Variants in TXNDC11 observed in about 807,000 individuals in gnomAD.
TXNDC11 encodes the protein thioredoxin domain containing 11, also known as thioredoxin domain-containing protein 11.
Under a neutral mutation model 78.0 loss-of-function variants are expected in TXNDC11, and 68 were observed. That is an observed-to-expected ratio of 0.87 (90% confidence interval 0.72 to 1.07). TXNDC11 has a LOEUF of 1.07. TXNDC11 is among the 50% of genes least tolerant of loss of function. The probability of loss-of-function intolerance (pLI) is 0.00; values close to 1 mark genes in which losing one functional copy is unlikely to be tolerated. For missense variants in TXNDC11, 1,389 were observed against 1,221.8 expected (o/e 1.14, Z -2.04); for synonymous variants, 571 against 495.2 (o/e 1.15, Z -2.03).
At chr16:11,733,686 T>C (rs1336008223) in intron 3 of TXNDC11, among the ~76,000 whole-genome samples, 1 of 152,246 alleles carries the variant, frequency 6.6e-6, no homozygotes, top group Admixed American at 6.5e-5. Context: ...ATATCTGAAA[T>C]GCATTGGAGT....
chr16:11,719,969 C>T (rs1327370100), intron 5 of TXNDC11, among the ~76,000 whole-genome samples: 1 of 152,134 alleles, frequency 6.6e-6, no homozygotes, highest in Non-Finnish European at 1.5e-5. Flanking sequence ...ATGCAAAGGC[C>T]ACAGTCTGAG....
chr16:11,721,577 C>T lies in TXNDC11; in HGVS notation c.793G>A (p.Asp265Asn). ...FTSALHSLKKDYLGTVRFGVI... is the reference protein window; with the variant it reads ...FTSALHSLKKNYLGTVRFGVI... Reference sequence around the variant, plus strand: ...TGTCTTAATATGAATCATTTTTTACCTTTCTTTAATGAATGTAATGCTGAG... The same window carrying T: ...TGTCTTAATATGAATCATTTTTTACTTTTCTTTAATGAATGTAATGCTGAG... The change falls in exon 5 of 12, where the codon GAT becomes AAT. Residue 265 changes from aspartate to asparagine, a missense_variant and splice_region_variant. Asp to Asn is a conservative substitution (Grantham distance 23). Transcript: ENST00000283033. 1 of 1,582,200 alleles carries T rather than the reference C, an allele frequency of 6.3e-7. No individual in the cohort carries two copies. The highest frequency in any genetic ancestry group is 8.7e-7 in the Non-Finnish European group (1 of 1,154,238).
rs762273479 is a variant in TXNDC11 at position 11,730,673 on chromosome 16, T to G, written c.671A>C (p.Glu224Ala). Residue 224 changes from glutamate (E) to alanine (A), a missense_variant, in exon 4 of 12, where the codon GAA (glutamate) becomes GCA (alanine). Physicochemically the swap from Glu to Ala is moderately radical, Grantham distance 107. Transcript: ENST00000283033. ...KPLLYIPSQSELLDFLSNYEP... is the reference protein window; with the variant it reads ...KPLLYIPSQSALLDFLSNYEP... ...GTAGTTTGAGAGAAAATCTAGTAAT[T>G]CTGATTGAGATGGGATGTAGAGAAG... 7 of 1,613,648 alleles carry G rather than the reference T, an allele frequency of 4.3e-6. No homozygotes were observed. The highest frequency in any genetic ancestry group is 5.9e-6 in the Non-Finnish European group (7 of 1,179,724).
At chr16:11,716,205 C>A (rs952151274) in intron 5 of TXNDC11, among the ~76,000 whole-genome samples, 1 of 152,230 alleles carries the variant, frequency 6.6e-6, no homozygotes, top group African/African-American at 2.4e-5. Flanking sequence ...GACTGCACTG[C>A]AAGTCCTTTT....
At chr16:11,700,893 C>T (rs1278467699) in intron 5 of TXNDC11, among the ~76,000 whole-genome samples, 1 of 152,116 alleles carries the variant, frequency 6.6e-6, no homozygotes, top group Non-Finnish European at 1.5e-5. Flanking sequence ...TTTGTCTGGA[C>T]ACTTCTTGTG....
At chr16:11,720,141 G>A (rs899543470) in intron 5 of TXNDC11, among the ~76,000 whole-genome samples, 3 of 152,082 alleles carry the variant, frequency 2.0e-5, no homozygotes, top group Non-Finnish European at 4.4e-5. Context: ...CTGAGAGAGA[G>A]CATACAACAA....
At chr16:11,725,859 T>C (rs1156987156) in intron 4 of TXNDC11, among the ~76,000 whole-genome samples, 4 of 152,320 alleles carry the variant, frequency 2.6e-5, no homozygotes, top group African/African-American at 9.6e-5. Flanking sequence ...CTAGAAATTG[T>C]TTCTGGTCTC....
chr16:11,705,337 T>C (rs1294940837), intron 5 of TXNDC11, among the ~76,000 whole-genome samples: 2 of 152,208 alleles, frequency 1.3e-5, no homozygotes, highest in Non-Finnish European at 2.9e-5. Context: ...AGTATAGAAT[T>C]AGTTGAAGAT....
At chr16:11,728,362 C>CTCA (rs1180920871) in intron 4 of TXNDC11, among the ~76,000 whole-genome samples, 1 of 152,180 alleles carries the variant, frequency 6.6e-6, no homozygotes, top group Non-Finnish European at 1.5e-5. Flanking sequence ...ATGAGACAAT[C>CTCA]TCATCTCAGT....
At chr16:11,717,148 A>T (rs2051549119) in intron 5 of TXNDC11, among the ~76,000 whole-genome samples, 1 of 151,390 alleles carries the variant, frequency 6.6e-6, no homozygotes, top group Admixed American at 6.6e-5. Flanking sequence ...CCAGAAGGCC[A>T]GGCGCAGTGG....
chr16:11,742,658 C>A lies in TXNDC11; in HGVS notation c.73G>T (p.Gly25Cys), dbSNP rs755499658. 4.1e-6 allele frequency: 6 copies of A among 1,462,770 alleles called. No homozygotes were observed. Among genetic ancestry groups the A allele is most frequent in the Admixed American group, 5.0e-5 (2 of 39,892 alleles). The allele number at this position is 1,462,770 out of a possible 1,614,324, so 90.6% of individuals were successfully genotyped here. The change falls in exon 1 of 12, where the codon GGC becomes TGC. Residue 25 changes from glycine to cysteine, a missense_variant. Gly to Cys is a radical substitution (Grantham distance 159). Transcript: ENST00000283033. ...AGGCAGTCTGAGCCCGCGGGGCCGC[C>A]GCCGCCCCCTCCCTCGTCCTCGGCG... ...EDAEDEGGGG[G>C]GPAGSDCLSS...
Position 11,736,158 on chromosome 16 carries a change from G to A in TXNDC11, c.330C>T (p.Leu110=). 6.2e-7 allele frequency: 1 copy of A among 1,614,214 alleles called. No homozygotes were observed. Among genetic ancestry groups the A allele is most frequent in the Non-Finnish European group, 8.5e-7 (1 of 1,180,030 alleles). ...CTGCATAATCCAGCTGCCCCTGGAA[G>A]AGGTCAAGGACTGGAGACCTCAAGG... ...FFSLRSPVLD[L]FQGQLDYAEY... Residue 110 remains leucine, a synonymous_variant, in exon 2 of 12, where the codon CTC becomes CTT. Coordinates refer to ENST00000283033, the MANE Select transcript of TXNDC11 (RefSeq NM_015914.7).
chr16:11,727,498 A>G (rs1207165415), intron 4 of TXNDC11, among the ~76,000 whole-genome samples: 1 of 152,216 alleles, frequency 6.6e-6, no homozygotes, highest in African/African-American at 2.4e-5. Context: ...TATCTTTCAT[A>G]GTAAGATGTC....
At chr16:11,724,024 G>C (rs1215742528) in intron 4 of TXNDC11, among the ~76,000 whole-genome samples, 2 of 152,080 alleles carry the variant, frequency 1.3e-5, no homozygotes, top group African/African-American at 4.8e-5. Flanking sequence ...AAATAAAAAA[G>C]AGGCCAGCAG....
In TXNDC11 at chr16:11,698,301, A is replaced by G. The variant is rs769496507; in HGVS notation, c.931T>C (p.Tyr311His). The change falls in exon 7 of 12, where the codon TAC becomes CAC. Residue 311 changes from tyrosine to histidine, a missense_variant. Physicochemically the swap from Tyr to His is moderately conservative, Grantham distance 83. Transcript: ENST00000283033. ...CACTTACAGATGTTCTCAGCTGTGT[A>G]GTTCAGGACCTCCCTGGGGAAGACC... is the stretch of plus-strand genomic sequence containing the variant. Reference protein sequence around the residue: ...SLVFPREVLNYTAENICKWAL... With the variant: ...SLVFPREVLNHTAENICKWAL... The G allele has an allele frequency of 1.2e-6, 2 of 1,613,700 alleles. No homozygotes were observed. The highest frequency in any genetic ancestry group is 1.3e-5 in the African/African-American group (1 of 74,930).
At chr16:11,722,567 T>C (rs1260576477) in intron 4 of TXNDC11, among the ~76,000 whole-genome samples, 3 of 152,126 alleles carry the variant, frequency 2.0e-5, no homozygotes, top group Non-Finnish European at 4.4e-5. Context: ...GTCTGAGATC[T>C]AGTGGCTGAA....
chr16:11,727,464 G>A (rs1156648298), intron 4 of TXNDC11, among the ~76,000 whole-genome samples: 2 of 152,144 alleles, frequency 1.3e-5, no homozygotes, highest in African/African-American at 4.8e-5. Flanking sequence ...TATAAACTGA[G>A]ATAAGGCTCT....
At position 11,691,545 on chromosome 16, in the gene TXNDC11, C is replaced by T. The variant is rs772846078; in HGVS notation, c.1645G>A (p.Val549Ile). Reference sequence around the variant, plus strand: ...TACCTGTTCTCCTCAATGTGAGGAACGGAGCTTGGGGCATCAACCTCACAT... The same window carrying T: ...TACCTGTTCTCCTCAATGTGAGGAATGGAGCTTGGGGCATCAACCTCACAT... ...KKCEVDAPSS[V>I]PHIEENRYLF... The change falls in exon 8 of 12, where the codon GTT becomes ATT. Residue 549 changes from valine (V) to isoleucine (I), a missense_variant. Coordinates refer to ENST00000283033, the MANE Select transcript of TXNDC11 (RefSeq NM_015914.7). 40 of 1,614,042 alleles carry T rather than the reference C, an allele frequency of 2.5e-5. No individual in the cohort carries two copies. The highest frequency in any genetic ancestry group is 1.6e-4 in the Middle Eastern group (1 of 6,084).
intron 7 of TXNDC11, among the ~76,000 whole-genome samples, chr16:11,695,887 T>C (rs2050844807): frequency 1.3e-5 from 2 of 151,772 alleles, no homozygotes; most frequent in Admixed American, 6.6e-5. Context: ...ATACAAAAAT[T>C]AGCCAGGCGT....
Sources: allele counts gnomAD v4.1 joint callset (sites outside exome capture counted in the v4.1 genomes callset), GRCh38; gene constraint gnomAD v4.1.1; transcripts MANE v1.5; gene names NCBI Gene and HGNC (gene_info 2026-07-23, HGNC 2026-07-21).